HSPA12A: variants seen among roughly 807,000 people sequenced by gnomAD.
The protein encoded by HSPA12A is heat shock 70 kDa protein 12A.
In HSPA12A, 28 loss-of-function variants were observed where a neutral mutation model predicts 69.2. The observed-to-expected ratio is 0.40, with a 90% confidence interval of 0.30 to 0.55. The LOEUF (loss-of-function observed/expected upper bound fraction) is 0.55, where lower values mean the gene tolerates loss of function less well. HSPA12A is among the 20% of genes least tolerant of loss of function. HSPA12A has a pLI of 0.38. For missense variants in HSPA12A, 686 were observed against 900.7 expected (o/e 0.76, Z 3.05); for synonymous variants, 345 against 370.5 (o/e 0.93, Z 0.79).
At chr10:116,733,255 G>A (rs1554886054) in intron 1 of HSPA12A, among the ~76,000 whole-genome samples, 1 of 152,194 alleles carries the variant, frequency 6.6e-6, no homozygotes, top group African/African-American at 2.4e-5. Flanking sequence ...GGAAAGAAAA[G>A]GAAGTAAGTG....
Position 116,700,949 on chromosome 10 carries a change from G to A in HSPA12A, c.435C>T (p.Thr145=). 1 of 1,613,538 alleles carries A rather than the reference G, an allele frequency of 6.2e-7. No homozygotes were observed. The highest frequency in any genetic ancestry group is 8.5e-7 in the Non-Finnish European group (1 of 1,179,928). The change falls in exon 4 of 12, where the codon ACC becomes ACT. Residue 145 remains threonine, a synonymous_variant. Coordinates refer to ENST00000369209, the MANE Select transcript of HSPA12A (RefSeq NM_025015.3). The part of the protein sequence containing the change: ...YLEKFKMKLH[T]TGDLTMDTDL... The stretch of plus-strand genomic sequence containing the variant: ...AGGGGAGAGGCTTGCTCACCCCAGT[G>A]GTGTGCAGCTTCATCTTGAACTTCT...
chr10:116,727,730 A>G (rs1242699781), intron 1 of HSPA12A, among the ~76,000 whole-genome samples: 1 of 148,730 alleles, frequency 6.7e-6, no homozygotes, highest in Non-Finnish European at 1.5e-5. Flanking sequence ...GATTTTGTCC[A>G]AGGGTAGGCT....
intron 2 of HSPA12A, among the ~76,000 whole-genome samples, chr10:116,803,363 T>C (rs1844999666): frequency 6.6e-6 from 1 of 152,084 alleles, no homozygotes; most frequent in South Asian, 2.1e-4. Flanking sequence ...AGCCAGACAG[T>C]GGGGCTGGCA....
chr10:116,709,600 A>C (rs1348291515), intron 1 of HSPA12A, among the ~76,000 whole-genome samples: 1 of 152,238 alleles, frequency 6.6e-6, no homozygotes. Context: ...TGGATGCAAA[A>C]GGACAAATAT....
At chr10:116,808,636 C>T (rs1400346720) in intron 2 of HSPA12A, among the ~76,000 whole-genome samples, 1 of 152,096 alleles carries the variant, frequency 6.6e-6, no homozygotes, top group African/African-American at 2.4e-5. Flanking sequence ...CTTAATAATG[C>T]CCAGCGTGCA....
intron 5 of HSPA12A, among the ~76,000 whole-genome samples, chr10:116,694,770 T>G (rs1253418119): frequency 3.3e-5 from 5 of 152,112 alleles, no homozygotes; most frequent in African/African-American, 1.2e-4. Flanking sequence ...GCTGAGCCTG[T>G]CCCTCTGCAA....
At chr10:116,784,916 A>C (rs1252894810) in intron 2 of HSPA12A, among the ~76,000 whole-genome samples, 1 of 152,192 alleles carries the variant, frequency 6.6e-6, no homozygotes, top group African/African-American at 2.4e-5. Flanking sequence ...AACAGCAGAC[A>C]GGGAGGCAGC....
chr10:116,741,483 G>A (rs559436857), intron 1 of HSPA12A, among the ~76,000 whole-genome samples: 2 of 152,202 alleles, frequency 1.3e-5, no homozygotes, highest in African/African-American at 4.8e-5. Flanking sequence ...TCTCCCCGGC[G>A]GCCGCTCTCG....
chr10:116,674,764 G>A lies in HSPA12A; in HGVS notation c.*17C>T, dbSNP rs781957915. On this transcript the variant is annotated 3_prime_UTR_variant, in exon 12 of 12. Coordinates refer to ENST00000369209, the MANE Select transcript of HSPA12A (RefSeq NM_025015.3). ...AGATAAGTTGAGTCCAAGGGGACAG[G>A]CAGCGGGGCGGGAGGGTTAGTAATT... 3.1e-6 allele frequency: 5 copies of A among 1,591,454 alleles called. No individual in the cohort carries two copies. Among genetic ancestry groups the A allele is most frequent in the Non-Finnish European group, 3.4e-6 (4 of 1,168,962 alleles).
intron 1 of HSPA12A, among the ~76,000 whole-genome samples, chr10:116,849,348 C>T (rs1471967770): frequency 6.6e-6 from 1 of 152,192 alleles, no homozygotes; most frequent in South Asian, 2.1e-4. Context: ...TAGGAGGAGC[C>T]CAACCCCCGG....
intron 2 of HSPA12A, among the ~76,000 whole-genome samples, chr10:116,780,066 G>T (rs542542127): frequency 6.6e-6 from 1 of 152,256 alleles, no homozygotes; most frequent in South Asian, 2.1e-4. Flanking sequence ...TCCTTCTCAC[G>T]CGAAGGGCAA....
rs1419290048 is a variant in HSPA12A, at chr10:116,674,646, T to G, written c.*135A>C. ...AAAAGTCACTAATTATTTCTAGCCC[T>G]GATTGTTCTCATCTTCCCTGCTGAA... On this transcript the variant is annotated 3_prime_UTR_variant, in exon 12 of 12. Transcript: ENST00000369209. 7 of 848,440 alleles carry G rather than the reference T, an allele frequency of 8.3e-6. No homozygotes were observed. The highest frequency in any genetic ancestry group is 1.7e-5 in the African/African-American group (1 of 59,294). 52.6% of individuals were successfully genotyped at this position (848,440 alleles called of 1,614,324 possible).
At chr10:116,747,994 C>T (rs1186795964) in intron 2 of HSPA12A, among the ~76,000 whole-genome samples, 1 of 151,950 alleles carries the variant, frequency 6.6e-6, no homozygotes, top group African/African-American at 2.4e-5. Context: ...AGCAAAACTC[C>T]ATCTCAAAAA....
chr10:116,804,538 C>G (rs904567038), intron 2 of HSPA12A, among the ~76,000 whole-genome samples: 1 of 152,076 alleles, frequency 6.6e-6, no homozygotes, highest in Non-Finnish European at 1.5e-5. Flanking sequence ...CTCCCTTTAC[C>G]CCCAGCCCCC....
chr10:116,831,165 G>C (rs1462168026), intron 2 of HSPA12A: 1 of 152,184 alleles, frequency 6.6e-6, no homozygotes, highest in Non-Finnish European at 1.5e-5. Flanking sequence ...ACACTTACTG[G>C]AACCAAAAGG....
At chr10:116,717,891 G>A (rs1488084801) in intron 1 of HSPA12A, among the ~76,000 whole-genome samples, 1 of 152,168 alleles carries the variant, frequency 6.6e-6, no homozygotes, top group African/African-American at 2.4e-5. Flanking sequence ...GAAACGTGAG[G>A]GCCGGTGCTG....
intron 2 of HSPA12A, among the ~76,000 whole-genome samples, chr10:116,804,602 G>A (rs545064619): frequency 1.6e-4 from 25 of 152,232 alleles, no homozygotes; most frequent in African/African-American, 6.0e-4. Flanking sequence ...ATTAGTGGGA[G>A]GAAATGTTCC....
intron 2 of HSPA12A, among the ~76,000 whole-genome samples, chr10:116,760,723 C>T (rs1032148032): frequency 6.6e-6 from 1 of 152,176 alleles, no homozygotes. Context: ...CGTAATTACA[C>T]AGAATGATAT....
In HSPA12A at chr10:116,735,369, G is replaced by T. The variant is rs564844485; in HGVS notation, c.40+7061C>A. 7.2e-5 allele frequency among the ~76,000 whole-genome samples: 11 copies of T among 152,354 alleles called. No individual in the cohort carries two copies. The East Asian group carries it at 2.1e-3, about 29-fold the overall frequency. Reference sequence around the variant, plus strand: ...ATCCCTCTATCTGAGCTGGCTTCAAGACTTGCTGTGACCACCAGGAATACA... The same window carrying T: ...ATCCCTCTATCTGAGCTGGCTTCAATACTTGCTGTGACCACCAGGAATACA... On this transcript the variant is annotated intron_variant, in intron 1 of 11. Coordinates refer to ENST00000369209, the MANE Select transcript of HSPA12A (RefSeq NM_025015.3).
Sources: allele counts gnomAD v4.1 joint callset (sites outside exome capture counted in the v4.1 genomes callset), GRCh38; gene constraint gnomAD v4.1.1; transcripts MANE v1.5; gene names NCBI Gene and HGNC (gene_info 2026-07-23, HGNC 2026-07-21).